The following SCEL variants were observed in gnomAD, a reference collection of about 807,000 sequenced individuals.
The protein encoded by SCEL is sciellin.
A neutral mutation model predicts 117.6 loss-of-function variants in SCEL; 113 were observed. The ratio of observed to expected loss-of-function variants is 0.96; its 90% CI spans 0.83 to 1.12. The LOEUF (loss-of-function observed/expected upper bound fraction) is 1.12, where lower values mean the gene tolerates loss of function less well. Ranked by LOEUF, SCEL falls within the 50% of genes most tolerant of loss-of-function variation. The probability of loss-of-function intolerance (pLI) is 0.00; values close to 1 mark genes in which losing one functional copy is unlikely to be tolerated. For missense variants in SCEL, 785 were observed against 810.8 expected (o/e 0.97, Z 0.39); for synonymous variants, 270 against 256.2 (o/e 1.05, Z -0.51).
chr13:77,539,081 A>G (rs906430181), intron 1 of SCEL, among the ~76,000 whole-genome samples: 27 of 152,342 alleles, frequency 1.8e-4, no homozygotes, highest in Middle Eastern at 3.4e-3. Context: ...AAAGTTTAAA[A>G]GAAATTTATA....
At chr13:77,601,729 A>T (rs1359236211) in intron 15 of SCEL, among the ~76,000 whole-genome samples, 3 of 152,224 alleles carry the variant, frequency 2.0e-5, no homozygotes, top group Non-Finnish European at 4.4e-5. Flanking sequence ...TCATGCTTAA[A>T]TAAGACAGTA....
intron 16 of SCEL, 107 bp from the exon 17 acceptor site, chr13:77,602,547 G>A (rs1200506264): frequency 1.2e-6 from 1 of 860,042 alleles, no homozygotes; most frequent in African/African-American, 1.7e-5. Flanking sequence ...TTGGTCATTT[G>A]GTCCTGAAAA....
In SCEL at chr13:77,617,800, A is replaced by T; in HGVS notation, c.1512-3A>T. On this transcript the variant is annotated splice_region_variant and splice_polypyrimidine_tract_variant and intron_variant, in intron 25 of 32. Transcript: ENST00000349847. ...TGCTCTCATTTTATTTTTTGATTTA[A>T]AGAAACCAAGATCTTGCTAACCTCA... is the stretch of plus-strand genomic sequence containing the variant. 6.2e-7 allele frequency: 1 copy of T among 1,608,338 alleles called. No homozygotes were observed. The highest frequency in any genetic ancestry group is 8.5e-7 in the Non-Finnish European group (1 of 1,176,660).
intron 5 of SCEL, among the ~76,000 whole-genome samples, chr13:77,565,523 T>C (rs905793801): frequency 6.6e-6 from 1 of 152,162 alleles, no homozygotes; most frequent in African/African-American, 2.4e-5. Flanking sequence ...GGAAATAGAT[T>C]TGAGGAAGAG....
intron 9 of SCEL, among the ~76,000 whole-genome samples, chr13:77,588,636 C>T (rs2086696320): frequency 6.6e-6 from 1 of 152,156 alleles, no homozygotes; most frequent in Non-Finnish European, 1.5e-5. Context: ...TTGTCAGCAT[C>T]AAAGTGGCCT....
At chr13:77,637,226 G>T in intron 30 of SCEL, 32 bp downstream of exon 30, 2 of 1,116,044 alleles carry the variant, frequency 1.8e-6, no homozygotes, top group East Asian at 5.7e-5. Context: ...TACATAAAAA[G>T]TACACACATA....
intron 9 of SCEL, among the ~76,000 whole-genome samples, chr13:77,581,077 A>G (rs536586552): frequency 3.3e-5 from 5 of 152,338 alleles, no homozygotes; most frequent in Admixed American, 6.5e-5. Flanking sequence ...TCCTCTACAA[A>G]GTTTGATGTC....
Position 77,558,019 on chromosome 13 carries a change from A to G in SCEL, c.161+1306A>G, listed in dbSNP as rs575305738. Among the ~76,000 whole-genome samples the G allele has an allele frequency of 2.0e-5, 3 of 152,340 alleles. No homozygotes were observed. In the South Asian group the frequency reaches 6.2e-4, roughly 32 times the overall value. On this transcript the variant is annotated intron_variant, in intron 3 of 32. Coordinates refer to ENST00000349847, the MANE Select transcript of SCEL (RefSeq NM_144777.3). ...CACACTAACTTTTGGAGTTAGCACT[A>G]TTGGACAACAATCATTTCCTTCCAT...
chr13:77,598,244 C>T (rs1279063401), intron 13 of SCEL, among the ~76,000 whole-genome samples: 1 of 152,074 alleles, frequency 6.6e-6, no homozygotes, highest in Non-Finnish European at 1.5e-5. Context: ...AATGAATAAT[C>T]AAGGCTTGTG....
chr13:77,572,440 A>T (rs539632667), intron 9 of SCEL, among the ~76,000 whole-genome samples: 16 of 152,322 alleles, frequency 1.1e-4, no homozygotes, highest in African/African-American at 3.6e-4. Context: ...GCCAAAATAA[A>T]TGAGTGCCAC....
At chr13:77,597,674 C>A in intron 13 of SCEL, 85 bp downstream of exon 13, 1 of 658,930 alleles carries the variant, frequency 1.5e-6, no homozygotes, top group Non-Finnish European at 2.6e-6. Flanking sequence ...CGTGAGGACC[C>A]ACATACCAGG....
rs2088765409 is a variant in SCEL, at chr13:77,612,878, A to C, written c.1338-13A>C. On this transcript the variant is annotated splice_polypyrimidine_tract_variant and intron_variant, in intron 22 of 32. Transcript: ENST00000349847. ...TTAGTTGACTTAGCTATTGAAACTT[A>C]ACATTTTTTTAGGAACCAAGACTTG... The C allele has an allele frequency of 6.6e-7, 1 of 1,505,326 alleles. No individual in the cohort carries two copies. Among genetic ancestry groups the C allele is most frequent in the African/African-American group, 1.4e-5 (1 of 71,024 alleles). The allele number at this position is 1,505,326 out of a possible 1,614,324, so 93.2% of individuals were successfully genotyped here. A position where few individuals can be genotyped will look rare whatever the true frequency, so the allele number is the denominator to read the frequency against.
chr13:77,589,118 A>G (rs778522122), intron 9 of SCEL, 26 bp from the exon 10 acceptor site: 2 of 1,541,140 alleles, frequency 1.3e-6, no homozygotes, highest in East Asian at 4.5e-5. Context: ...CCATGGTGAA[A>G]TGAACTGCTG....
chr13:77,619,370 C>T (rs1222064108), intron 27 of SCEL, among the ~76,000 whole-genome samples: 1 of 152,134 alleles, frequency 6.6e-6, no homozygotes, highest in Admixed American at 6.6e-5. Flanking sequence ...GAAGAAGAAA[C>T]TATAGTTCAA....
rs967482346 is a variant in SCEL at position 77,554,134 on chromosome 13, C to T, written c.-19-1723C>T. On this transcript the variant is annotated intron_variant, in intron 1 of 32. Coordinates refer to ENST00000349847, the MANE Select transcript of SCEL (RefSeq NM_144777.3). ...AGGGAGTGAGGCAGGGGGAGGCCAG[C>T]GAAGGAAGTGAGCAAGGATGTGCTC... 9.9e-5 allele frequency among the ~76,000 whole-genome samples: 15 copies of T among 152,172 alleles called. 1 individual carries two copies. Among genetic ancestry groups the T allele is most frequent in the Admixed American group, 9.2e-4 (14 of 15,284 alleles).
chr13:77,629,264 T>G (rs1378580730), intron 28 of SCEL, among the ~76,000 whole-genome samples: 1 of 152,118 alleles, frequency 6.6e-6, no homozygotes, highest in Non-Finnish European at 1.5e-5. Flanking sequence ...CTAGAGTTCT[T>G]TGTTACTAGT....
chr13:77,547,668 C>G (rs2084069024), intron 1 of SCEL, among the ~76,000 whole-genome samples: 2 of 152,188 alleles, frequency 1.3e-5, no homozygotes, highest in Admixed American at 1.3e-4. Flanking sequence ...ACAGGTATCT[C>G]TTCATCATTT....
chr13:77,602,994 T>C, intron 17 of SCEL, 82 bp from the exon 18 acceptor site: 1 of 813,048 alleles, frequency 1.2e-6, no homozygotes, highest in South Asian at 2.0e-5. Context: ...AAAGCTTGAA[T>C]TAATCATTGG....
chr13:77,542,659 T>C (rs930372983), intron 1 of SCEL, among the ~76,000 whole-genome samples: 1 of 152,216 alleles, frequency 6.6e-6, no homozygotes, highest in East Asian at 1.9e-4. Context: ...CAGTTGTTTG[T>C]TTCTGAGAGA....
Sources: allele counts gnomAD v4.1 joint callset (sites outside exome capture counted in the v4.1 genomes callset), GRCh38; gene constraint gnomAD v4.1.1; transcripts MANE v1.5; gene names NCBI Gene and HGNC (gene_info 2026-07-23, HGNC 2026-07-21).